The following PRR5L variants were observed in gnomAD, a reference collection of about 807,000 sequenced individuals.
The protein encoded by PRR5L is proline rich 5 like, also known as proline-rich protein 5-like.
In PRR5L, 21 loss-of-function variants were observed where a neutral mutation model predicts 36.4. The ratio of observed to expected loss-of-function variants is 0.58; its 90% CI spans 0.41 to 0.83. The LOEUF (loss-of-function observed/expected upper bound fraction) is 0.83. Ranked by LOEUF, PRR5L falls within the 40% of genes least tolerant of loss-of-function variation. The pLI is 0.00. For missense variants in PRR5L, 381 were observed against 473.3 expected, an observed-to-expected ratio of 0.80 and a Z score of 1.81; for synonymous variants, 188 against 197.0, an observed-to-expected ratio of 0.95 and a Z score of 0.38.
intron 1 of PRR5L, among the ~76,000 whole-genome samples, chr11:36,375,077 A>G (rs1430513291): frequency 1.3e-5 from 2 of 152,096 alleles, no homozygotes; most frequent in Non-Finnish European, 2.9e-5. Context: ...TCTACTAAAA[A>G]TACAATAATT....
chr11:36,309,707 CTCTT>C (rs1216975752), intron 1 of PRR5L, among the ~76,000 whole-genome samples: 3 of 3,698 alleles, frequency 8.1e-4, no homozygotes, highest in African/African-American at 3.2e-3. Flanking sequence ...TCCTTGTCTT[CTCTT>C]TCTTCCAGAT....
chr11:36,446,394 A>G lies in PRR5L; in HGVS notation c.539A>G (p.Gln180Arg), dbSNP rs770954387. ...VKLGDLLLLA[Q>R]SKLPSSIVQM... Reference sequence around the variant, plus strand: ...CTGGGTGACCTGCTGCTGCTGGCCCAGTCCAAGCTGCCCTCGTCCATTGTC... The same window carrying G: ...CTGGGTGACCTGCTGCTGCTGGCCCGGTCCAAGCTGCCCTCGTCCATTGTC... The change falls in exon 7 of 9, where the codon CAG (glutamine) becomes CGG (arginine). Residue 180 changes from glutamine (Q) to arginine (R), a missense_variant. Coordinates refer to ENST00000530639, the MANE Select transcript of PRR5L (RefSeq NM_001160167.2). 3.8e-5 allele frequency: 62 copies of G among 1,614,052 alleles called. No individual in the cohort carries two copies. The highest frequency in any genetic ancestry group is 1.6e-4 in the Middle Eastern group (1 of 6,084).
chr11:36,312,992 A>G (rs763629422), intron 1 of PRR5L, among the ~76,000 whole-genome samples: 1 of 152,198 alleles, frequency 6.6e-6, no homozygotes, highest in Non-Finnish European at 1.5e-5. Context: ...GAGCCGCTTT[A>G]CTGACAGATG....
Position 36,338,435 on chromosome 11 carries a change from G to A in PRR5L, c.-126+41997G>A, listed in dbSNP as rs566632973. 1.4e-4 allele frequency among the ~76,000 whole-genome samples: 21 copies of A among 152,210 alleles called. No homozygotes were observed. The South Asian group carries it at 4.2e-3, about 30-fold the overall frequency. On this transcript the variant is annotated intron_variant, in intron 1 of 8. Coordinates refer to ENST00000530639, the MANE Select transcript of PRR5L (RefSeq NM_001160167.2). ...GCTGGAATCTGAAATGACTTCTGAC[G>A]TGGCACTCTTCTAGAAATGACCATG...
chr11:36,431,691 C>A (rs1279810525), intron 4 of PRR5L, among the ~76,000 whole-genome samples, 162 bp from the exon 5 acceptor site: 1 of 152,070 alleles, frequency 6.6e-6, no homozygotes, highest in Non-Finnish European at 1.5e-5. Context: ...TCTCCGGAAG[C>A]CTTAACCTTC....
intron 6 of PRR5L, among the ~76,000 whole-genome samples, chr11:36,439,394 G>C (rs1858673418): frequency 6.6e-6 from 1 of 152,136 alleles, no homozygotes; most frequent in Non-Finnish European, 1.5e-5. Context: ...TGGGTCTAAG[G>C]ATAGCTCTGT....
intron 5 of PRR5L, among the ~76,000 whole-genome samples, chr11:36,434,799 G>T (rs1170871233): frequency 6.6e-6 from 1 of 152,058 alleles, no homozygotes; most frequent in African/African-American, 2.4e-5. Context: ...CCCTGTTGCT[G>T]GGTCTGTGTC....
intron 1 of PRR5L, among the ~76,000 whole-genome samples, chr11:36,374,047 C>CTCCTTCCTTCCTTCCTTCCTTCCT (rs59668248): frequency 2.5e-5 from 3 of 117,724 alleles, no homozygotes; most frequent in African/African-American, 9.6e-5. Context: ...TAATTTTTTC[C>CTCCTTCCTTCCTTCCTTCCTTCCT]TCCTTCCTTC....
At chr11:36,459,816 C>T (rs775094662) in intron 8 of PRR5L, among the ~76,000 whole-genome samples, 12 of 152,320 alleles carry the variant, frequency 7.9e-5, no homozygotes, top group South Asian at 6.2e-4. Flanking sequence ...GGTGTACACA[C>T]GGGAATAATG....
intron 4 of PRR5L, among the ~76,000 whole-genome samples, chr11:36,423,007 A>G (rs572680249): frequency 2.0e-5 from 3 of 152,132 alleles, no homozygotes; most frequent in Non-Finnish European, 4.4e-5. Context: ...GTGTGTTTGC[A>G]GATTGCACTT....
Position 36,344,529 on chromosome 11 carries a change from G to C in PRR5L, c.-126+48091G>C, listed in dbSNP as rs1005678674. Among the ~76,000 whole-genome samples, 1 of 151,996 alleles carries C rather than the reference G, an allele frequency of 6.6e-6. No homozygotes were observed. Among genetic ancestry groups the C allele is most frequent in the Non-Finnish European group, 1.5e-5 (1 of 68,002 alleles). On this transcript the variant is annotated intron_variant, in intron 1 of 8. Coordinates refer to ENST00000530639, the MANE Select transcript of PRR5L (RefSeq NM_001160167.2). The surrounding 1 kb of genome is among the most constrained non-coding windows in gnomAD (Gnocchi z 4.1). ...TAACTTCATTTGTACTTTTGCTATT[G>C]TCAATAACAACAAAACGGCCATCTC...
chr11:36,379,100 T>A (rs1317026589), intron 1 of PRR5L, among the ~76,000 whole-genome samples: 2 of 152,238 alleles, frequency 1.3e-5, no homozygotes, highest in African/African-American at 4.8e-5. Flanking sequence ...AAAACTGTTA[T>A]ATTGGTTATC....
rs1027407710 is a variant in PRR5L at position 36,377,589 on chromosome 11, CGCTCT to C, written c.-125-23406_-125-23402del. On this transcript the variant is annotated intron_variant, in intron 1 of 8. Transcript: ENST00000530639. The surrounding 1 kb of genome is among the most constrained non-coding windows in gnomAD (Gnocchi z 5.1). ...GCTTGCTAACTGTGCTTCAGGAATC[CGCTCT>C]GGGATGCCTTCCTGTCTGGCAAAAG... is the stretch of plus-strand genomic sequence containing the variant. 1.3e-5 allele frequency: 2 copies of C among 152,386 alleles called. No homozygotes were observed. Among genetic ancestry groups the C allele is most frequent in the African/African-American group, 4.8e-5 (2 of 41,458 alleles). 9.4% of individuals were successfully genotyped at this position (152,386 alleles called of 1,614,324 possible).
rs869208636 is a variant in PRR5L at position 36,404,268 on chromosome 11, CT to C, written c.245+912del. On this transcript the variant is annotated intron_variant, in intron 3 of 8. Transcript: ENST00000530639. ...GGGACAGGAGATCGATCCATCAGGT[CT>C]TTTTTTTTTTTTTTTTTTTTTAAAC... 5.5e-3 allele frequency among the ~76,000 whole-genome samples: 535 copies of C among 97,978 alleles called. 5 individuals are homozygous for C. The highest frequency in any genetic ancestry group is 0.038 in the East Asian group (147 of 3,890). 64.3% of individuals were successfully genotyped at this position (97,978 alleles called of 152,430 possible).
chr11:36,351,226 A>G lies in PRR5L; in HGVS notation c.-125-49771A>G, dbSNP rs1343456743. Among the ~76,000 whole-genome samples, 11 of 84,736 alleles carry G rather than the reference A, an allele frequency of 1.3e-4. 1 individual carries two copies. The highest frequency in any genetic ancestry group is 2.2e-4 in the Admixed American group (1 of 4,608). The allele number at this position is 84,736 out of a possible 152,430, so 55.6% of individuals were successfully genotyped here. On this transcript the variant is annotated intron_variant, in intron 1 of 8. Transcript: ENST00000530639. ...ATAATATAAATATATAAATATATAT[A>G]TTTATATATATTTATATATATTTTT...
At chr11:36,361,256 G>A (rs1365535052) in intron 1 of PRR5L, among the ~76,000 whole-genome samples, 3 of 152,150 alleles carry the variant, frequency 2.0e-5, no homozygotes, top group Admixed American at 6.5e-5. Context: ...CAGCAGATAC[G>A]AGAATCCAGA....
chr11:36,449,890 C>G (rs755846652), intron 7 of PRR5L, among the ~76,000 whole-genome samples: 4 of 152,210 alleles, frequency 2.6e-5, no homozygotes, highest in Non-Finnish European at 4.4e-5. Flanking sequence ...TTCTTCCCAC[C>G]TTTTGCCACT....
chr11:36,409,112 A>G (rs904086373), intron 3 of PRR5L, among the ~76,000 whole-genome samples: 1 of 152,102 alleles, frequency 6.6e-6, no homozygotes, highest in Non-Finnish European at 1.5e-5. Flanking sequence ...CATGTGGAGG[A>G]TGGGCACACA....
rs114200717 is a variant in PRR5L at position 36,394,218 on chromosome 11, G to T, written c.-125-6779G>T. The stretch of plus-strand genomic sequence containing the variant: ...ATATCTTGCAAATCCTAAATCACCT[G>T]CTCAATGCCCCACAGGAAGTGGTGA... On this transcript the variant is annotated intron_variant, in intron 1 of 8. Transcript: ENST00000530639. Among the ~76,000 whole-genome samples the T allele has an allele frequency of 7.2e-3, 1,096 of 152,290 alleles. 13 individuals are homozygous for T. The highest frequency in any genetic ancestry group is 0.025 in the African/African-American group (1,030 of 41,550).
Sources: gnomAD v4.1 joint callset for allele counts (sites outside exome capture counted in the v4.1 genomes callset) on GRCh38, gnomAD v4.1.1 for gene constraint, Gnocchi (gnomAD v3.1) non-coding constraint, MANE v1.5 for transcripts, NCBI Gene and HGNC (gene_info 2026-07-23, HGNC 2026-07-21) for gene names.